The following SRPX variants were observed in gnomAD, a reference collection of about 807,000 sequenced individuals.
The protein encoded by SRPX is sushi repeat-containing protein SRPX.
In SRPX, 24 loss-of-function variants were observed where a neutral mutation model predicts 38.1. The ratio of observed to expected loss-of-function variants is 0.63; its 90% CI spans 0.46 to 0.89. SRPX has a LOEUF of 0.89. Ranked by LOEUF, SRPX falls within the 40% of genes least tolerant of loss-of-function variation. The pLI is 0.00. For missense variants in SRPX, 416 were observed against 377.8 expected (o/e 1.10, Z -0.84); for synonymous variants, 184 against 153.8 (o/e 1.20, Z -1.45).
chrX:38,164,675 T>G, intron 5 of SRPX, 94 bp downstream of exon 5: 1 of 1,003,541 alleles, frequency 1.0e-6, no homozygotes, highest in Non-Finnish European at 1.3e-6. Context: ...TCTGAAAGCA[T>G]AAATAGACCA....
At chrX:38,215,504 T>G (rs1013026927) in intron 1 of SRPX, among the ~76,000 whole-genome samples, 2 of 112,234 alleles carry the variant, frequency 1.8e-5, no homozygotes, top group Admixed American at 1.9e-4. Context: ...TCTTAGAATG[T>G]CTTACGGTGA....
intron 7 of SRPX, among the ~76,000 whole-genome samples, chrX:38,158,226 AACAAC>A (rs1938168925): frequency 8.9e-6 from 1 of 111,904 alleles, no homozygotes; most frequent in African/African-American, 3.3e-5. Flanking sequence ...CCACAGAGCA[AACAAC>A]ACAGGCAAAC....
intron 1 of SRPX, among the ~76,000 whole-genome samples, chrX:38,186,012 G>T (rs1399585218): frequency 1.8e-5 from 2 of 110,846 alleles, no homozygotes; most frequent in Non-Finnish European, 3.8e-5. Flanking sequence ...CTGTCCCCTG[G>T]CATTCATAAC....
intron 1 of SRPX, among the ~76,000 whole-genome samples, chrX:38,192,651 C>G (rs755354671): frequency 8.9e-6 from 1 of 112,763 alleles, no homozygotes; most frequent in African/African-American, 3.2e-5. Context: ...CTTGGCTGCT[C>G]TTAAGGATGC....
intron 1 of SRPX, among the ~76,000 whole-genome samples, chrX:38,194,863 G>GTTTTTTTTTTT (rs35179239): frequency 5.6e-5 from 3 of 53,667 alleles, no homozygotes; most frequent in African/African-American, 9.2e-5. Flanking sequence ...TTTGTTTTTG[G>GTTTTTTTTTTT]TTTTTTTTTT....
chrX:38,171,742 C>T, intron 4 of SRPX, 139 bp downstream of exon 4: 1 of 548,036 alleles, frequency 1.8e-6, no homozygotes, highest in Non-Finnish European at 2.9e-6. Context: ...AGCCAGAGAA[C>T]CAGTGATGCT....
At chrX:38,167,302 C>T (rs149341797) in intron 4 of SRPX, among the ~76,000 whole-genome samples, 1,121 of 111,504 alleles carry the variant, frequency 0.01, 6 homozygotes, top group Middle Eastern at 0.047. Context: ...GTGTTTTCCG[C>T]CAACCTTTGC....
intron 5 of SRPX, among the ~76,000 whole-genome samples, chrX:38,162,840 T>C (rs1239084670): frequency 1.8e-5 from 2 of 112,379 alleles, no homozygotes; most frequent in African/African-American, 6.5e-5. Flanking sequence ...AAATAAAATG[T>C]AACACTCCTA....
intron 1 of SRPX, among the ~76,000 whole-genome samples, chrX:38,198,239 T>C (rs993038641): frequency 1.8e-5 from 2 of 111,631 alleles, no homozygotes; most frequent in Non-Finnish European, 3.8e-5. Flanking sequence ...ATCATTTCCT[T>C]AGCTCTGGAG....
intron 5 of SRPX, among the ~76,000 whole-genome samples, chrX:38,162,387 ACTC>A (rs771529525): frequency 2.7e-5 from 3 of 111,432 alleles, no homozygotes; most frequent in Non-Finnish European, 5.7e-5. Context: ...CCTTCTCTGA[ACTC>A]CTCATCCTGT....
chrX:38,177,589 A>T (rs1489009551), intron 2 of SRPX, among the ~76,000 whole-genome samples: 3 of 107,949 alleles, frequency 2.8e-5, no homozygotes, highest in African/African-American at 1.0e-4. Context: ...CTGTAAGAGG[A>T]ACTAGATTCA....
Position 38,160,176 on chromosome X carries a change from TGA to T in SRPX, c.794_795del (p.Leu265GlnfsTer15), listed in dbSNP as rs1938217204. On this transcript the variant is annotated frameshift_variant, in exon 7 of 10. Transcript: ENST00000378533. LOFTEE classifies it high-confidence loss of function. ...TTCATGTAACCATTCTCTGGGGCAT[TGA>T]GTTTGCCACAGCGTTTGACTGTAGG... Reference protein sequence around the residue: ...VKVRVKRCGKLNAPENGYMKC... With the variant: ...VKVRVKRCGKXNAPENGYMKC... 6.6e-6 allele frequency: 8 copies of T among 1,210,081 alleles called. No individual in the cohort carries two copies. The Admixed American group carries it at 1.5e-4, about 23-fold the overall frequency.
intron 5 of SRPX, among the ~76,000 whole-genome samples, chrX:38,163,191 A>G (rs1392767451): frequency 1.8e-5 from 2 of 112,556 alleles, no homozygotes; most frequent in African/African-American, 6.5e-5. Flanking sequence ...GAGAAGTTAC[A>G]ATGGGAGAGC....
At chrX:38,182,582 C>T (rs188305701) in intron 1 of SRPX, among the ~76,000 whole-genome samples, 2 of 111,959 alleles carry the variant, frequency 1.8e-5, no homozygotes, top group Non-Finnish European at 3.8e-5. Context: ...CCAGGAATTG[C>T]TCCAGGGATA....
chrX:38,186,600 G>A lies in SRPX; in HGVS notation c.98-8256C>T, dbSNP rs546809894. On this transcript the variant is annotated intron_variant, in intron 1 of 9. Coordinates refer to ENST00000378533, the MANE Select transcript of SRPX (RefSeq NM_006307.5). Reference sequence around the variant, plus strand: ...TAATAGTCTTCTCTTAGGTCACTGCGGTAGATACTGCTTATTCCTCAATCA... The same window carrying A: ...TAATAGTCTTCTCTTAGGTCACTGCAGTAGATACTGCTTATTCCTCAATCA... 1.4e-4 allele frequency among the ~76,000 whole-genome samples: 16 copies of A among 111,857 alleles called. 1 individual carries two copies. The South Asian group carries it at 4.6e-3, about 32-fold the overall frequency.
chrX:38,193,399 T>G (rs1193507893), intron 1 of SRPX, among the ~76,000 whole-genome samples: 1 of 111,987 alleles, frequency 8.9e-6, no homozygotes, highest in Non-Finnish European at 1.9e-5. Flanking sequence ...TATGGGATCT[T>G]CATCATTGTT....
At chrX:38,174,055 G>T in intron 3 of SRPX, 105 bp downstream of exon 3, 1 of 666,152 alleles carries the variant, frequency 1.5e-6, no homozygotes, top group Non-Finnish European at 2.1e-6. Context: ...CTGATCATAA[G>T]GAGAATTTTT....
chrX:38,216,566 G>T (rs1939425024), intron 1 of SRPX, among the ~76,000 whole-genome samples: 1 of 112,342 alleles, frequency 8.9e-6, no homozygotes, highest in South Asian at 3.6e-4. Flanking sequence ...CTGAGGGGCT[G>T]GTTTGAGAAA....
At chrX:38,164,357 G>A (rs1938323816) in intron 5 of SRPX, among the ~76,000 whole-genome samples, 1 of 111,138 alleles carries the variant, frequency 9.0e-6, no homozygotes, top group South Asian at 3.8e-4. Flanking sequence ...TAGCCAGGCT[G>A]GTCTCAAACT....
Sources: allele counts gnomAD v4.1 joint callset (sites outside exome capture counted in the v4.1 genomes callset), GRCh38; gene constraint gnomAD v4.1.1; transcripts MANE v1.5; gene names NCBI Gene and HGNC (gene_info 2026-07-23, HGNC 2026-07-21).